Variants in PSORS1C1 observed in about 807,000 individuals in gnomAD.
The protein encoded by PSORS1C1 is psoriasis susceptibility 1 candidate gene 1 protein.
PSORS1C1 carries 7 observed loss-of-function variants against 9.4 expected under a neutral mutation model. The ratio of observed to expected loss-of-function variants is 0.75; its 90% CI spans 0.42 to 1.40. The LOEUF is 1.40. Among genes scored for constraint, PSORS1C1 ranks in the 40% most tolerant of loss-of-function variants. The pLI is 0.01. For synonymous variants in PSORS1C1, 63 were observed against 69.4 expected, an observed-to-expected ratio of 0.91 and a Z score of 0.46; for missense variants, 146 against 178.1, an observed-to-expected ratio of 0.82 and a Z score of 1.02.
chr6:31,127,416 C>T (rs985565431), intron 2 of PSORS1C1, among the ~76,000 whole-genome samples: 3 of 152,194 alleles, frequency 2.0e-5, no homozygotes, highest in South Asian at 2.1e-4. Flanking sequence ...TCTCGTGTCC[C>T]GCTCTGTTCT....
At chr6:31,127,463 C>T (rs1365341656) in intron 2 of PSORS1C1, among the ~76,000 whole-genome samples, 2 of 152,038 alleles carry the variant, frequency 1.3e-5, no homozygotes, top group African/African-American at 2.4e-5. Context: ...CACCAGAGAC[C>T]GGCGCCGACT....
chr6:31,116,660 A>G, intron 1 of PSORS1C1: 1 of 1,612,786 alleles, frequency 6.2e-7, no homozygotes, highest in Non-Finnish European at 8.5e-7. Context: ...CCCACAGGGT[A>G]GATTTTACCC....
chr6:31,119,538 C>T (rs1772351213), intron 1 of PSORS1C1, among the ~76,000 whole-genome samples: 1 of 152,212 alleles, frequency 6.6e-6, no homozygotes, highest in Admixed American at 6.5e-5. Flanking sequence ...TTCTCTGAGC[C>T]TCAGTGTCCT....
At chr6:31,117,598 T>A in intron 1 of PSORS1C1, 1 of 1,371,104 alleles carries the variant, frequency 7.3e-7, no homozygotes, top group Non-Finnish European at 1.0e-6. Flanking sequence ...TTCTGCCTTA[T>A]CTCAGTCATC....
chr6:31,138,143 C>T, intron 3 of PSORS1C1: 1 of 1,605,638 alleles, frequency 6.2e-7, no homozygotes, highest in East Asian at 2.2e-5. Context: ...GCAGGTCTCT[C>T]CAGGGACGAC....
In PSORS1C1 at chr6:31,129,603, C is replaced by T. The variant is rs371098747; in HGVS notation, c.-30C>T. 2.4e-4 allele frequency: 188 copies of T among 779,910 alleles called. No individual in the cohort carries two copies. The highest frequency in any genetic ancestry group is 5.4e-4 in the Admixed American group (32 of 59,028). 48.3% of individuals were successfully genotyped at this position (779,910 alleles called of 1,614,324 possible). A position where few individuals can be genotyped will look rare whatever the true frequency, so the allele number is the denominator to read the frequency against. On this transcript the variant is annotated 5_prime_UTR_variant, in exon 3 of 6. Coordinates refer to ENST00000259881, the MANE Select transcript of PSORS1C1 (RefSeq NM_014068.3). Reference sequence around the variant, plus strand: ...AATTGGTTTGCAGCCAGGCAGTCCTCCATCCAGTCTTGACTTTGGCACTTG... The same window carrying T: ...AATTGGTTTGCAGCCAGGCAGTCCTTCATCCAGTCTTGACTTTGGCACTTG...
chr6:31,116,013 A>T, intron 1 of PSORS1C1: 1 of 1,555,156 alleles, frequency 6.4e-7, no homozygotes, highest in African/African-American at 1.8e-5. Flanking sequence ...CACACACACA[A>T]CAGTTGACTT....
At chr6:31,122,947 T>TCC (rs140858208) in intron 1 of PSORS1C1, among the ~76,000 whole-genome samples, 3,837 of 152,120 alleles carry the variant, frequency 0.025, 125 homozygotes, top group African/African-American at 0.074. Context: ...TGCTGGGCCG[T>TCC]CCCAGGGTGT....
chr6:31,123,045 T>G (rs1032459430), intron 1 of PSORS1C1, among the ~76,000 whole-genome samples: 2 of 152,220 alleles, frequency 1.3e-5, no homozygotes, highest in Non-Finnish European at 1.5e-5. Flanking sequence ...TAGCAAAGTT[T>G]GTCTTGTTTT....
rs770262607 is a variant in PSORS1C1 at position 31,116,297 on chromosome 6, T to C, written c.-229+1406T>C. On this transcript the variant is annotated intron_variant, in intron 1 of 5. Transcript: ENST00000259881. ...CAAGGCTGAAGGATGATTTTGCCAC[T>C]GGATTGGGAACTGGAGCTGCTGCTG... 8 of 1,613,890 alleles carry C rather than the reference T, an allele frequency of 5.0e-6. No individual in the cohort carries two copies. In the Admixed American group the frequency reaches 8.3e-5, roughly 17 times the overall value.
Position 31,115,911 on chromosome 6 carries a change from G to T in PSORS1C1, c.-229+1020G>T. On this transcript the variant is annotated intron_variant, in intron 1 of 5. Transcript: ENST00000259881. The surrounding 1 kb of genome is among the most constrained non-coding windows in gnomAD (Gnocchi z 4.2). ...TGGAGAAAGCAGAACCACTCTTTTG[G>T]GAAGGAGGGAAACTGAGCTAACCCT... 1 of 915,856 alleles carries T rather than the reference G, an allele frequency of 1.1e-6. No individual in the cohort carries two copies. The allele number at this position is 915,856 out of a possible 1,614,324, so 56.7% of individuals were successfully genotyped here.
At chr6:31,121,180 G>GC (rs1421941027) in intron 1 of PSORS1C1, among the ~76,000 whole-genome samples, 4 of 151,520 alleles carry the variant, frequency 2.6e-5, no homozygotes, top group Admixed American at 2.0e-4. Flanking sequence ...GGGTGGGGGG[G>GC]TGCTGGGAGC....
At chr6:31,137,319 T>C (rs1241788957) in intron 3 of PSORS1C1, among the ~76,000 whole-genome samples, 2 of 151,610 alleles carry the variant, frequency 1.3e-5, no homozygotes, top group Non-Finnish European at 2.9e-5. Context: ...TAGCCTGGCG[T>C]GGTGGCGGGC....
chr6:31,117,321 G>A (rs781385440), intron 1 of PSORS1C1: 3 of 1,583,108 alleles, frequency 1.9e-6, no homozygotes, highest in Admixed American at 3.6e-5. Flanking sequence ...AACCACCCTG[G>A]GCAATGCTGG....
At chr6:31,138,828 C>A in intron 5 of PSORS1C1, 49 bp downstream of exon 5, 1 of 1,612,864 alleles carries the variant, frequency 6.2e-7, no homozygotes. Flanking sequence ...CCAATGTGTC[C>A]AGAAAGCCAT....
At chr6:31,121,899 G>A (rs1772481520) in intron 1 of PSORS1C1, among the ~76,000 whole-genome samples, 1 of 152,246 alleles carries the variant, frequency 6.6e-6, no homozygotes, top group Admixed American at 6.5e-5. Flanking sequence ...GTAATGATGT[G>A]GTTGGCCACG....
intron 1 of PSORS1C1, among the ~76,000 whole-genome samples, chr6:31,121,318 A>T (rs1214792055): frequency 6.6e-6 from 1 of 152,178 alleles, no homozygotes; most frequent in Non-Finnish European, 1.5e-5. Context: ...GCAAGAGGCT[A>T]AGAAGGCTAA....
rs60150827 is a variant in PSORS1C1 at position 31,136,031 on chromosome 6, T to C, written c.14-2399T>C. Among the ~76,000 whole-genome samples, 1,535 of 148,720 alleles carry C rather than the reference T, an allele frequency of 0.01. 66 individuals carry two copies. The East Asian group carries it at 0.13, about 13-fold the overall frequency. On this transcript the variant is annotated intron_variant, in intron 3 of 5. Coordinates refer to ENST00000259881, the MANE Select transcript of PSORS1C1 (RefSeq NM_014068.3). ...TCGTGCCACTGCACTCCAGCCTGGA[T>C]GACAGATGGAGACCCTGTCTCAAAC... is the stretch of plus-strand genomic sequence containing the variant.
At chr6:31,130,417 GTTTT>G (rs9278987) in intron 3 of PSORS1C1, among the ~76,000 whole-genome samples, 4 of 146,958 alleles carry the variant, frequency 2.7e-5, no homozygotes, top group Admixed American at 1.4e-4. Context: ...CTAATTGTTT[GTTTT>G]TTTTTTTTGA....
Sources: gnomAD v4.1 joint callset for allele counts (sites outside exome capture counted in the v4.1 genomes callset) on GRCh38, gnomAD v4.1.1 for gene constraint, Gnocchi (gnomAD v3.1) non-coding constraint, MANE v1.5 for transcripts, NCBI Gene and HGNC (gene_info 2026-07-23, HGNC 2026-07-21) for gene names.